The following DTNB variants were observed in gnomAD, a reference collection of about 807,000 sequenced individuals.
The protein encoded by DTNB is dystrobrevin beta.
DTNB carries 63 observed loss-of-function variants against 90.7 expected under a neutral mutation model. The observed-to-expected ratio is 0.69, with a 90% CI of 0.57 to 0.86. The LOEUF (loss-of-function observed/expected upper bound fraction) is 0.86, where lower values mean the gene tolerates loss of function less well. Among genes scored for constraint, DTNB ranks in the 40% least tolerant of loss-of-function variants. DTNB has a pLI of 0.00. For synonymous variants in DTNB, 277 were observed against 286.7 expected (o/e 0.97, Z 0.34); for missense variants, 744 against 807.1 (o/e 0.92, Z 0.95).
At chr2:25,509,148 A>T (rs1204527700) in intron 9 of DTNB, among the ~76,000 whole-genome samples, 5 of 152,162 alleles carry the variant, frequency 3.3e-5, no homozygotes, top group Non-Finnish European at 5.9e-5. Flanking sequence ...GAATGCCTTT[A>T]ATTTCTTTTT....
chr2:25,507,304 G>A (rs570098496), intron 9 of DTNB, among the ~76,000 whole-genome samples: 1 of 152,196 alleles, frequency 6.6e-6, no homozygotes, highest in South Asian at 2.1e-4. Flanking sequence ...AAGACATGTG[G>A]CTTGATGTAT....
chr2:25,555,424 A>G (rs1219469633), intron 8 of DTNB, among the ~76,000 whole-genome samples: 1 of 152,282 alleles, frequency 6.6e-6, no homozygotes, highest in East Asian at 1.9e-4. Context: ...TCAAAAAAGG[A>G]TAACTCAGAC....
intron 9 of DTNB, among the ~76,000 whole-genome samples, chr2:25,489,413 T>C (rs150270758): frequency 1.5e-4 from 23 of 151,998 alleles, no homozygotes; most frequent in African/African-American, 4.8e-4. Flanking sequence ...TTAGAAAAAA[T>C]AATTATAATG....
At chr2:25,390,067 G>C (rs1201595259) in intron 16 of DTNB, among the ~76,000 whole-genome samples, 2 of 151,998 alleles carry the variant, frequency 1.3e-5, no homozygotes, top group Non-Finnish European at 2.9e-5. Context: ...CCTCCCTTCA[G>C]AGGCAACCCC....
chr2:25,393,809 A>G (rs1270276320), intron 16 of DTNB, among the ~76,000 whole-genome samples: 1 of 152,144 alleles, frequency 6.6e-6, no homozygotes, highest in African/African-American at 2.4e-5. Flanking sequence ...TTGTGAAAAT[A>G]ATCATACTGC....
At chr2:25,493,967 T>C (rs1046169644) in intron 9 of DTNB, among the ~76,000 whole-genome samples, 2 of 152,220 alleles carry the variant, frequency 1.3e-5, no homozygotes, top group African/African-American at 4.8e-5. Context: ...TTTCATTTGA[T>C]ATAAACAAAA....
At chr2:25,407,675 A>G (rs1390169203) in intron 16 of DTNB, among the ~76,000 whole-genome samples, 2 of 152,228 alleles carry the variant, frequency 1.3e-5, no homozygotes, top group African/African-American at 4.8e-5. Flanking sequence ...TCAAGAATAG[A>G]AAACCAAATG....
At chr2:25,457,287 G>A (rs1394499341) in intron 10 of DTNB, among the ~76,000 whole-genome samples, 2 of 152,200 alleles carry the variant, frequency 1.3e-5, no homozygotes, top group Admixed American at 1.3e-4. Flanking sequence ...TGAGAATACA[G>A]GTGTGAGCCA....
intron 8 of DTNB, among the ~76,000 whole-genome samples, chr2:25,562,182 C>T (rs1397853093): frequency 6.6e-6 from 1 of 152,216 alleles, no homozygotes; most frequent in Admixed American, 6.5e-5. Flanking sequence ...AATGGAGTAA[C>T]ACAATATGTG....
At chr2:25,498,865 A>AG in intron 9 of DTNB, among the ~76,000 whole-genome samples, 1 of 151,418 alleles carries the variant, frequency 6.6e-6, no homozygotes, top group Admixed American at 6.6e-5. Context: ...AAAAAAAAAA[A>AG]AAAAGATCTA....
intron 10 of DTNB, among the ~76,000 whole-genome samples, chr2:25,472,140 G>A (rs912130954): frequency 3.3e-5 from 5 of 152,198 alleles, no homozygotes; most frequent in Non-Finnish European, 5.9e-5. Context: ...AGCCTGGGGA[G>A]TCTACACCCT....
At chr2:25,617,159 G>A (rs2070970485) in intron 4 of DTNB, among the ~76,000 whole-genome samples, 4 of 151,998 alleles carry the variant, frequency 2.6e-5, no homozygotes, top group Admixed American at 6.6e-5. Flanking sequence ...AAATGTATGC[G>A]TGCTTAACAT....
intron 10 of DTNB, among the ~76,000 whole-genome samples, chr2:25,456,520 G>A (rs2060051342): frequency 6.6e-6 from 1 of 152,072 alleles, no homozygotes; most frequent in Admixed American, 6.5e-5. Context: ...ATGGCTGGTA[G>A]GTTTCTTTTA....
chr2:25,390,412 T>C (rs1175860628), intron 16 of DTNB, among the ~76,000 whole-genome samples: 3 of 152,006 alleles, frequency 2.0e-5, no homozygotes, highest in Non-Finnish European at 2.9e-5. Context: ...TTCATTGAAA[T>C]TTTAAACTTT....
intron 9 of DTNB, among the ~76,000 whole-genome samples, chr2:25,502,244 T>C (rs1286733526): frequency 6.6e-6 from 1 of 151,904 alleles, no homozygotes; most frequent in Non-Finnish European, 1.5e-5. Flanking sequence ...CCTAAAAGTT[T>C]ACCAGCAAAA....
intron 5 of DTNB, among the ~76,000 whole-genome samples, chr2:25,598,105 A>C (rs997842114): frequency 7.2e-5 from 11 of 152,220 alleles, no homozygotes; most frequent in Non-Finnish European, 4.4e-5. Flanking sequence ...TCTAGCTAAA[A>C]TGAGCTTGTA....
chr2:25,444,139 A>C (rs2058023498), intron 12 of DTNB, among the ~76,000 whole-genome samples: 3 of 152,216 alleles, frequency 2.0e-5, no homozygotes, highest in Admixed American at 2.0e-4. Flanking sequence ...AAGGTAAACA[A>C]AACATCTGAT....
chr2:25,586,911 T>C (rs1247028894), intron 6 of DTNB, among the ~76,000 whole-genome samples: 1 of 152,182 alleles, frequency 6.6e-6, no homozygotes, highest in African/African-American at 2.4e-5. Context: ...TGAGATAACA[T>C]TTCTCACCCA....
chr2:25,410,939 T>C (rs558470196), intron 16 of DTNB, among the ~76,000 whole-genome samples: 21 of 151,716 alleles, frequency 1.4e-4, no homozygotes, highest in East Asian at 3.9e-4. Flanking sequence ...CTTTTCTTTT[T>C]TTTTTTTTTT....
Sources: allele counts gnomAD v4.1 joint callset (sites outside exome capture counted in the v4.1 genomes callset), GRCh38; gene constraint gnomAD v4.1.1; transcripts MANE v1.5; gene names NCBI Gene and HGNC (gene_info 2026-07-23, HGNC 2026-07-21).